The following CHFR variants were observed in gnomAD, a reference collection of about 807,000 sequenced individuals.
CHFR encodes the protein checkpoint with forkhead and ring finger domains.
CHFR carries 57 observed loss-of-function variants against 87.6 expected under a neutral mutation model. The ratio of observed to expected loss-of-function variants is 0.65; its 90% confidence interval spans 0.53 to 0.81. CHFR has a LOEUF of 0.81. Ranked by LOEUF, CHFR falls within the 30% of genes least tolerant of loss-of-function variation. The pLI is 0.00. For synonymous variants in CHFR, 381 were observed against 359.2 expected, an observed-to-expected ratio of 1.06 and a Z score of -0.69; for missense variants, 797 against 865.8, an observed-to-expected ratio of 0.92 and a Z score of 1.00.
intron 2 of CHFR, among the ~76,000 whole-genome samples, chr12:132,880,021 C>T (rs537044284): frequency 1.3e-5 from 2 of 152,178 alleles, no homozygotes; most frequent in African/African-American, 2.4e-5. Flanking sequence ...ACATTCAATG[C>T]AATTCCAGTC....
intron 6 of CHFR, chr12:132,862,198 C>G (rs1350272372): frequency 4.7e-6 from 1 of 211,754 alleles, no homozygotes; most frequent in African/African-American, 2.4e-5. Context: ...TTGCTTGAAC[C>G]CGGGAGGCGG....
In CHFR at chr12:132,840,741, C is replaced by A. The variant is rs187667016; in HGVS notation, c.*813G>T. On this transcript the variant is annotated 3_prime_UTR_variant, in exon 18 of 18. Coordinates refer to ENST00000450056, the MANE Select transcript of CHFR (RefSeq NM_001161346.2). ...TCACTCACACAAGGGAGCAGCACGT[C>A]CTGGGACCTGCGTCCAGCCCCAGGC... 7.7e-4 allele frequency: 117 copies of A among 152,044 alleles called. No homozygotes were observed. Among genetic ancestry groups the A allele is most frequent in the Admixed American group, 1.6e-3 (24 of 15,182 alleles). 9.4% of individuals were successfully genotyped at this position (152,044 alleles called of 1,614,324 possible).
In CHFR at chr12:132,861,554, G is replaced by C; in HGVS notation, c.664C>G (p.Leu222Val). 1.9e-6 allele frequency: 3 copies of C among 1,614,244 alleles called. No individual in the cohort carries two copies. The highest frequency in any genetic ancestry group is 1.1e-5 in the South Asian group (1 of 91,092). The change falls in exon 7 of 18, where the codon CTC becomes GTC. Residue 222 changes from leucine to valine, a missense_variant. Coordinates refer to ENST00000450056, the MANE Select transcript of CHFR (RefSeq NM_001161346.2). ...AAGGACGCAGTCTTTCTGTCTGGGA[G>C]AGCTGAGGCAAAGCTGGAGACTTCA... Reference protein sequence around the residue: ...SDEVSSFASALPDRKTASFSS... With the variant: ...SDEVSSFASAVPDRKTASFSS...
chr12:132,853,321 G>A (rs183988735), intron 11 of CHFR, 110 bp downstream of exon 11: 15 of 1,190,544 alleles, frequency 1.3e-5, no homozygotes, highest in African/African-American at 4.8e-5. Context: ...CAAAGGGGGC[G>A]AGCAGTGCAG....
Position 132,843,166 on chromosome 12 carries a change from G to A in CHFR, c.1844-83C>T, listed in dbSNP as rs914747103. The A allele has an allele frequency of 8.0e-6, 10 of 1,243,972 alleles. No homozygotes were observed. In the African/African-American group the frequency reaches 1.2e-4, roughly 15 times the overall value. 77.1% of individuals were successfully genotyped at this position (1,243,972 alleles called of 1,614,324 possible). On this transcript the variant is annotated intron_variant, in intron 16 of 17. Coordinates refer to ENST00000450056, the MANE Select transcript of CHFR (RefSeq NM_001161346.2). ...ACCTGAATCCCAGCAGAGACCCAAC[G>A]ACAGACGCTGCGGTGGAAACGCACG...
chr12:132,860,365 AAGT>A (rs141044759), intron 7 of CHFR, among the ~76,000 whole-genome samples: 3,389 of 152,312 alleles, frequency 0.022, 118 homozygotes, highest in African/African-American at 0.077. Context: ...CTGCTGAGCC[AAGT>A]AGTTTACTAG....
At chr12:132,872,101 T>C in intron 4 of CHFR, 184 bp downstream of exon 4, 1 of 533,520 alleles carries the variant, frequency 1.9e-6, no homozygotes, top group South Asian at 2.7e-5. Flanking sequence ...GGGCTCAGGC[T>C]GCAAAGTCGA....
At chr12:132,844,460 A>ACT (rs544721895) in intron 15 of CHFR, among the ~76,000 whole-genome samples, 10,168 of 114,076 alleles carry the variant, frequency 0.089, 1,724 homozygotes, top group Non-Finnish European at 0.16. Flanking sequence ...AATTTTTTGT[A>ACT]TTTTTAGTAG....
chr12:132,881,873 A>G (rs1276816331), intron 2 of CHFR, among the ~76,000 whole-genome samples: 2 of 151,152 alleles, frequency 1.3e-5, no homozygotes, highest in Admixed American at 1.3e-4. Flanking sequence ...GTCTCAAAAA[A>G]AAAAAAAAAA....
chr12:132,871,632 C>T (rs908704246), intron 4 of CHFR, among the ~76,000 whole-genome samples: 6 of 145,488 alleles, frequency 4.1e-5, no homozygotes, highest in African/African-American at 7.7e-5. Flanking sequence ...ATGAGCCGGG[C>T]GTGGTGGTGG....
chr12:132,869,898 A>G, intron 5 of CHFR, 100 bp from the exon 6 acceptor site: 1 of 1,373,424 alleles, frequency 7.3e-7, no homozygotes, highest in Non-Finnish European at 1.0e-6. Context: ...CTAGGGATTG[A>G]AATGCTCTTA....
intron 3 of CHFR, among the ~76,000 whole-genome samples, chr12:132,876,048 T>G (rs928166680): frequency 4.0e-5 from 6 of 151,422 alleles, no homozygotes; most frequent in Admixed American, 1.3e-4. Flanking sequence ...TGGTAGTGTG[T>G]GCCTACAATG....
At chr12:132,884,384 C>T (rs1319151184) in intron 2 of CHFR, among the ~76,000 whole-genome samples, 1 of 149,272 alleles carries the variant, frequency 6.7e-6, no homozygotes. Context: ...CACTGCACTA[C>T]AGCCTGGGCA....
chr12:132,885,336 G>A (rs1222409891), intron 2 of CHFR, among the ~76,000 whole-genome samples: 3 of 151,330 alleles, frequency 2.0e-5, no homozygotes, highest in South Asian at 4.2e-4. Context: ...GCAAGAACCC[G>A]GGAGGTGGAG....
rs186492863 is a variant in CHFR, at chr12:132,855,914, C to T, written c.1229+554G>A. 1.3e-3 allele frequency among the ~76,000 whole-genome samples: 195 copies of T among 152,206 alleles called. 2 individuals carry two copies. Among genetic ancestry groups the T allele is most frequent in the Middle Eastern group, 6.8e-3 (2 of 294 alleles). On this transcript the variant is annotated intron_variant, in intron 10 of 17. Coordinates refer to ENST00000450056, the MANE Select transcript of CHFR (RefSeq NM_001161346.2). ...TGGCCTCGACCCAACATTCAGACCC[C>T]GGTCTTGTGCATTAGGAAACCTCAA...
intron 12 of CHFR, chr12:132,849,769 T>C (rs978755158): frequency 2.0e-5 from 3 of 151,338 alleles, no homozygotes; most frequent in African/African-American, 7.3e-5. Context: ...TTTTCATTTT[T>C]AGTAAAGATG....
rs1950698208 is a variant in CHFR at position 132,841,185 on chromosome 12, T to G, written c.*369A>C. The stretch of plus-strand genomic sequence containing the variant: ...AATGTTTTTGATAAACTTGCCCTTC[T>G]CCCTTGAAACTTTTCCTAAAAACAG... On this transcript the variant is annotated 3_prime_UTR_variant, in exon 18 of 18. Transcript: ENST00000450056. The G allele has an allele frequency of 5.0e-6, 1 of 201,840 alleles. No homozygotes were observed. Among genetic ancestry groups the G allele is most frequent in the Admixed American group, 5.5e-5 (1 of 18,064 alleles). The allele number at this position is 201,840 out of a possible 1,614,324, so 12.5% of individuals were successfully genotyped here.
At chr12:132,858,959 G>C in intron 8 of CHFR, 109 bp downstream of exon 8, 1 of 1,103,858 alleles carries the variant, frequency 9.1e-7, no homozygotes. Flanking sequence ...CTCAGCAGAT[G>C]CCAGGCCAAA....
At chr12:132,847,515 G>A (rs1010110687) in intron 14 of CHFR, 10 of 1,083,850 alleles carry the variant, frequency 9.2e-6, no homozygotes, top group African/African-American at 1.6e-5. Context: ...AAACACACAC[G>A]AGCTGTTGAG....
Sources: allele counts gnomAD v4.1 joint callset (sites outside exome capture counted in the v4.1 genomes callset), GRCh38; gene constraint gnomAD v4.1.1; transcripts MANE v1.5; gene names NCBI Gene and HGNC (gene_info 2026-07-23, HGNC 2026-07-21).